Variants in TBX18 observed in about 807,000 individuals in gnomAD.
TBX18 encodes T-box transcription factor 18.
TBX18 carries 21 observed loss-of-function variants against 55.0 expected under a neutral mutation model. The ratio of observed to expected loss-of-function variants is 0.38; its 90% CI spans 0.27 to 0.55. The LOEUF (loss-of-function observed/expected upper bound fraction) is 0.55, where lower values mean the gene tolerates loss of function less well. Among genes scored for constraint, TBX18 ranks in the 20% least tolerant of loss-of-function variants. TBX18 has a pLI of 0.73. For missense variants in TBX18, 840 were observed against 799.6 expected (o/e 1.05, Z -0.61); for synonymous variants, 342 against 326.1 (o/e 1.05, Z -0.53).
chr6:84,762,037 A>G (rs1767660371), intron 2 of TBX18, among the ~76,000 whole-genome samples: 1 of 152,236 alleles, frequency 6.6e-6, no homozygotes, highest in South Asian at 2.1e-4. Context: ...ATAGCAGGAC[A>G]GATCATCTTA....
chr6:84,743,475 A>G (rs2127873571), intron 6 of TBX18, among the ~76,000 whole-genome samples: 1 of 152,324 alleles, frequency 6.6e-6, no homozygotes, highest in Admixed American at 6.5e-5. Flanking sequence ...CTTCTTTTTA[A>G]AAACAAGCTG....
chr6:84,763,032 AG>A, intron 1 of TBX18: 1 of 541,048 alleles, frequency 1.8e-6, no homozygotes, highest in Non-Finnish European at 3.3e-6. Flanking sequence ...GGGCCTCCGC[AG>A]GGCCAAGGCC....
At position 84,738,486 on chromosome 6, in the gene TBX18, T is replaced by C. The variant is rs1319688824; in HGVS notation, c.1099+11A>G. On this transcript the variant is annotated intron_variant, in intron 7 of 7. Transcript: ENST00000369663. Reference sequence around the variant, plus strand: ...GGCTGTATATATGACCCAGGAGACTTTGTGAGTTACCTTGCTTGGGAATTC... The same window carrying C: ...GGCTGTATATATGACCCAGGAGACTCTGTGAGTTACCTTGCTTGGGAATTC... 1 of 1,612,032 alleles carries C rather than the reference T, an allele frequency of 6.2e-7. No individual in the cohort carries two copies. The highest frequency in any genetic ancestry group is 8.5e-7 in the Non-Finnish European group (1 of 1,178,188).
intron 2 of TBX18, 93 bp downstream of exon 2, chr6:84,762,451 C>T: frequency 2.1e-6 from 3 of 1,448,632 alleles, no homozygotes; most frequent in Non-Finnish European, 2.9e-6. Context: ...AGAACCCCCA[C>T]CGAGCTGCAG....
In TBX18 at chr6:84,735,677, A is replaced by T. The variant is rs528272776; in HGVS notation, c.*1008T>A. The T allele has an allele frequency of 2.0e-5, 3 of 152,320 alleles. No homozygotes were observed. The highest frequency in any genetic ancestry group is 7.2e-5 in the African/African-American group (3 of 41,586). 9.4% of individuals were successfully genotyped at this position (152,320 alleles called of 1,614,324 possible). Reference sequence around the variant, plus strand: ...TAGCATAAATGCATTTTTTTTACTTATATACTATCGGTCAGGAAGCTCAGA... The same window carrying T: ...TAGCATAAATGCATTTTTTTTACTTTTATACTATCGGTCAGGAAGCTCAGA... On this transcript the variant is annotated 3_prime_UTR_variant, in exon 8 of 8. Coordinates refer to ENST00000369663, the MANE Select transcript of TBX18 (RefSeq NM_001080508.3).
chr6:84,760,645 G>A (rs577338254), intron 2 of TBX18, among the ~76,000 whole-genome samples: 2 of 152,242 alleles, frequency 1.3e-5, no homozygotes, highest in East Asian at 1.9e-4. Flanking sequence ...ACAAAAGAAA[G>A]CATCTTATTT....
chr6:84,764,214 CAT>C lies in TBX18; in HGVS notation c.-35_-34del. 13 of 1,398,992 alleles carry C rather than the reference CAT, an allele frequency of 9.3e-6. No individual in the cohort carries two copies. Among genetic ancestry groups the C allele is most frequent in the Non-Finnish European group, 1.2e-5 (13 of 1,083,142 alleles). 86.7% of individuals were successfully genotyped at this position (1,398,992 alleles called of 1,614,324 possible). A position where few individuals can be genotyped will look rare whatever the true frequency, so the allele number is the denominator to read the frequency against. ...GCCCCGCGCCCGCCCGCCCCTCTCT[CAT>C]ATACACTCACGCGGGCACACGCGCG... On this transcript the variant is annotated 5_prime_UTR_variant, in exon 1 of 8. The change creates a new upstream start codon in the 5' untranslated region. Coordinates refer to ENST00000369663, the MANE Select transcript of TBX18 (RefSeq NM_001080508.3).
intron 4 of TBX18, among the ~76,000 whole-genome samples, chr6:84,753,155 T>A (rs1183499769): frequency 6.6e-6 from 1 of 152,192 alleles, no homozygotes; most frequent in Non-Finnish European, 1.5e-5. Context: ...ATCCAAAAAT[T>A]AGCTGTGGAG....
chr6:84,764,401 G>T lies in TBX18; in HGVS notation c.-220C>A, dbSNP rs369212470. 10 of 597,056 alleles carry T rather than the reference G, an allele frequency of 1.7e-5. No homozygotes were observed. Among genetic ancestry groups the T allele is most frequent in the Admixed American group, 1.6e-4 (4 of 25,164 alleles). The allele number at this position is 597,056 out of a possible 1,614,324, so 37.0% of individuals were successfully genotyped here. A position where few individuals can be genotyped will look rare whatever the true frequency, so the allele number is the denominator to read the frequency against. Reference sequence around the variant, plus strand: ...GCGCCGGCCAAGTCTCCTTTCCTGGGTCTCTCTCGCGCGCTCTCTCACTGA... The same window carrying T: ...GCGCCGGCCAAGTCTCCTTTCCTGGTTCTCTCTCGCGCGCTCTCTCACTGA... On this transcript the variant is annotated 5_prime_UTR_variant, in exon 1 of 8. Transcript: ENST00000369663.
chr6:84,744,604 A>G lies in TBX18; in HGVS notation c.940-279T>C, dbSNP rs183833215. On this transcript the variant is annotated intron_variant, in intron 5 of 7. Transcript: ENST00000369663. ...TGTTTTTTAATATTTCTGGAAAAAA[A>G]GATTCTGAATCATCTGTTGGTAACG... 3.6e-3 allele frequency among the ~76,000 whole-genome samples: 542 copies of G among 152,280 alleles called. 4 individuals carry two copies. The highest frequency in any genetic ancestry group is 0.013 in the African/African-American group (531 of 41,570).
intron 6 of TBX18, chr6:84,742,149 T>C (rs180842308): frequency 3.8e-4 from 58 of 152,320 alleles, no homozygotes; most frequent in African/African-American, 1.4e-3. Context: ...TCATGTACTA[T>C]AATATTGTTT....
chr6:84,747,833 A>G (rs1464529948), intron 5 of TBX18, 87 bp downstream of exon 5: 11 of 1,250,584 alleles, frequency 8.8e-6, no homozygotes, highest in Non-Finnish European at 1.2e-5. Flanking sequence ...TTTATAATTC[A>G]TAATATTTAG....
At chr6:84,741,621 G>A (rs1376093084) in intron 6 of TBX18, 2 of 152,142 alleles carry the variant, frequency 1.3e-5, no homozygotes, top group Non-Finnish European at 2.9e-5. Context: ...ACAAGTCTAT[G>A]TTTATTTCTT....
At chr6:84,753,989 A>T (rs1168500022) in intron 4 of TBX18, among the ~76,000 whole-genome samples, 2 of 152,116 alleles carry the variant, frequency 1.3e-5, no homozygotes, top group Admixed American at 6.5e-5. Context: ...GTGCAGTGGC[A>T]TGATCTCAGC....
At position 84,736,795 on chromosome 6, in the gene TBX18, C is replaced by T; in HGVS notation, c.1714G>A (p.Val572Met). 6.2e-7 allele frequency: 1 copy of T among 1,614,102 alleles called. No homozygotes were observed. The highest frequency in any genetic ancestry group is 8.5e-7 in the Non-Finnish European group (1 of 1,179,998). ...TMTDRQMLPP[V>M]EGVHLLSSGG... ...CTGCTAAGCAGGTGCACTCCTTCCA[C>T]AGGGGGCAACATCTGCCGATCCGTC... The change falls in exon 8 of 8, where the codon GTG (valine) becomes ATG (methionine). Residue 572 changes from valine to methionine, a missense_variant. By Grantham distance (21) the Val-to-Met change is conservative. Transcript: ENST00000369663.
intron 4 of TBX18, among the ~76,000 whole-genome samples, chr6:84,753,550 TG>T (rs1462924748): frequency 6.6e-6 from 1 of 151,908 alleles, no homozygotes; most frequent in East Asian, 1.9e-4. Context: ...GGGCTGAGGG[TG>T]GGCAGGGGCA....
intron 6 of TBX18, chr6:84,741,301 C>A (rs530511345): frequency 1.3e-5 from 2 of 152,328 alleles, no homozygotes; most frequent in East Asian, 3.9e-4. Context: ...CATTTTATCA[C>A]TGCCCTAATT....
chr6:84,737,115 G>A lies in TBX18; in HGVS notation c.1394C>T (p.Ser465Phe), dbSNP rs747392613. The change falls in exon 8 of 8, where the codon TCC becomes TTC. Residue 465 changes from serine to phenylalanine, a missense_variant. Coordinates refer to ENST00000369663, the MANE Select transcript of TBX18 (RefSeq NM_001080508.3). ...AGTGCCACCCATGGACATGTTCACG[G>A]AGGTGCTGCTGCTCACGCCCACATA... ...PSYVGVSSSTSVNMSMGGTDG... is the reference protein window; with the variant it reads ...PSYVGVSSSTFVNMSMGGTDG... 17 of 1,614,092 alleles carry A rather than the reference G, an allele frequency of 1.1e-5. No individual in the cohort carries two copies. Among genetic ancestry groups the A allele is most frequent in the Non-Finnish European group, 1.3e-5 (15 of 1,180,046 alleles).
At chr6:84,758,576 G>A (rs573966141) in intron 3 of TBX18, among the ~76,000 whole-genome samples, 1 of 151,876 alleles carries the variant, frequency 6.6e-6, no homozygotes, top group African/African-American at 2.4e-5. Flanking sequence ...TAGAAAATAA[G>A]CCAAATTTTT....
Sources: gnomAD v4.1 joint callset for allele counts (sites outside exome capture counted in the v4.1 genomes callset) on GRCh38, gnomAD v4.1.1 for gene constraint, MANE v1.5 for transcripts, NCBI Gene and HGNC (gene_info 2026-07-23, HGNC 2026-07-21) for gene names.